Variants in GNG4 observed in about 807,000 individuals in gnomAD.
The protein encoded by GNG4 is guanine nucleotide-binding protein G(I)/G(S)/G(O) subunit gamma-4.
A neutral mutation model predicts 5.8 loss-of-function variants in GNG4; 4 were observed. That is an observed-to-expected ratio of 0.69 (90% CI 0.34 to 1.57). The LOEUF (loss-of-function observed/expected upper bound fraction) is 1.57, where lower values mean the gene tolerates loss of function less well. GNG4 is among the 40% of genes most tolerant of loss of function. The probability of loss-of-function intolerance (pLI) is 0.06; values close to 1 mark genes in which losing one functional copy is unlikely to be tolerated. For synonymous variants in GNG4, 29 were observed against 32.9 expected, an observed-to-expected ratio of 0.88 and a Z score of 0.41; for missense variants, 96 against 95.1, an observed-to-expected ratio of 1.01 and a Z score of -0.04.
intron 2 of GNG4, among the ~76,000 whole-genome samples, chr1:235,587,238 A>AGGGTGTTG (rs58765941): frequency 8.6e-6 from 1 of 115,660 alleles, no homozygotes; most frequent in Non-Finnish European, 1.7e-5. Flanking sequence ...TGAGTGTGTG[A>AGGGTGTTG]GGTGGGGTGT....
At chr1:235,607,986 G>A (rs967947452) in intron 1 of GNG4, among the ~76,000 whole-genome samples, 2 of 149,370 alleles carry the variant, frequency 1.3e-5, no homozygotes, top group Admixed American at 1.3e-4. Context: ...CACCCAGGCT[G>A]GAGTGCGGTG....
rs1320467707 is a variant in GNG4 at position 235,649,565 on chromosome 1, C to T, written c.-123+97G>A. 6.6e-6 allele frequency: 1 copy of T among 152,246 alleles called. No individual in the cohort carries two copies. The highest frequency in any genetic ancestry group is 1.5e-5 in the Non-Finnish European group (1 of 68,098). 9.4% of individuals were successfully genotyped at this position (152,246 alleles called of 1,614,324 possible). ...CGGCGCCAGAGCCGTCTCCCTAGGT[C>T]CGGAGACTTTCACCCCGAGTTTCCC... On this transcript the variant is annotated intron_variant, in intron 1 of 3. Coordinates refer to ENST00000391854, the MANE Select transcript of GNG4 (RefSeq NM_001098722.2). This position sits in a 1 kb window ranked among gnomAD's most constrained non-coding sequence, Gnocchi z 5.7.
intron 3 of GNG4, among the ~76,000 whole-genome samples, chr1:235,561,350 T>C (rs953151246): frequency 3.9e-5 from 6 of 151,990 alleles, no homozygotes; most frequent in African/African-American, 1.2e-4. Context: ...TTTCTCATTG[T>C]TGTGTTTTAA....
At chr1:235,630,651 G>A (rs748538294) in intron 1 of GNG4, among the ~76,000 whole-genome samples, 4 of 152,180 alleles carry the variant, frequency 2.6e-5, no homozygotes, top group South Asian at 2.1e-4. Flanking sequence ...GAAAGTCACC[G>A]TGGGAGTGTG....
chr1:235,620,905 C>T (rs1688698948), intron 1 of GNG4, among the ~76,000 whole-genome samples: 1 of 152,170 alleles, frequency 6.6e-6, no homozygotes, highest in African/African-American at 2.4e-5. Context: ...AGACTTTTCA[C>T]CCCTGGCATT....
At chr1:235,603,815 T>G (rs1688303654) in intron 1 of GNG4, among the ~76,000 whole-genome samples, 1 of 152,214 alleles carries the variant, frequency 6.6e-6, no homozygotes, top group South Asian at 2.1e-4. Flanking sequence ...CGCTGGGGCC[T>G]GCTGGTCACC....
At chr1:235,571,560 C>T (rs1687345245) in intron 3 of GNG4, among the ~76,000 whole-genome samples, 1 of 152,180 alleles carries the variant, frequency 6.6e-6, no homozygotes, top group Non-Finnish European at 1.5e-5. Context: ...TGGGAAAACA[C>T]ACACATTACT....
rs139265199 is a variant in GNG4, at chr1:235,626,564, C to T, written c.-123+23098G>A. The stretch of plus-strand genomic sequence containing the variant: ...TTCTGGTCCTGCTGATGTGGTCAGA[C>T]CTCAGCTGCACTAATGTCCAGCCCC... On this transcript the variant is annotated intron_variant, in intron 1 of 3. Coordinates refer to ENST00000391854, the MANE Select transcript of GNG4 (RefSeq NM_001098722.2). Among the ~76,000 whole-genome samples the T allele has an allele frequency of 2.6e-5, 4 of 152,276 alleles. No individual in the cohort carries two copies. In the East Asian group the frequency reaches 7.7e-4, roughly 29 times the overall value.
chr1:235,569,415 G>A (rs2102926045), intron 3 of GNG4, among the ~76,000 whole-genome samples: 1 of 148,600 alleles, frequency 6.7e-6, no homozygotes, highest in East Asian at 2.0e-4. Context: ...CCAAGATCAC[G>A]ACACTGCACT....
chr1:235,625,989 G>A (rs1024762133), intron 1 of GNG4, among the ~76,000 whole-genome samples: 1 of 152,184 alleles, frequency 6.6e-6, no homozygotes. Flanking sequence ...AGGAGGTGTC[G>A]TTTTGTAAGG....
At chr1:235,634,578 T>C (rs1445529319) in intron 1 of GNG4, among the ~76,000 whole-genome samples, 1 of 152,228 alleles carries the variant, frequency 6.6e-6, no homozygotes, top group Admixed American at 6.5e-5. Context: ...TTATCTGTAT[T>C]TTCTTTCTGC....
intron 1 of GNG4, among the ~76,000 whole-genome samples, chr1:235,607,388 T>C (rs1013054521): frequency 6.6e-6 from 1 of 152,230 alleles, no homozygotes; most frequent in Non-Finnish European, 1.5e-5. Context: ...AGATGAGCTA[T>C]GGTGTCACCA....
Position 235,552,028 on chromosome 1 carries a change from C to A in GNG4, c.*81G>T. The A allele has an allele frequency of 7.7e-7, 1 of 1,304,416 alleles. No individual in the cohort carries two copies. Among genetic ancestry groups the A allele is most frequent in the Non-Finnish European group, 1.1e-6 (1 of 910,960 alleles). The allele number at this position is 1,304,416 out of a possible 1,614,324, so 80.8% of individuals were successfully genotyped here. A position where few individuals can be genotyped will look rare whatever the true frequency, so the allele number is the denominator to read the frequency against. On this transcript the variant is annotated 3_prime_UTR_variant, in exon 4 of 4. Coordinates refer to ENST00000391854, the MANE Select transcript of GNG4 (RefSeq NM_001098722.2). Reference sequence around the variant, plus strand: ...TGGGCAGGGATGGGTGTTGGTCTCACTCCCTAAGGCTTAGAGCATGCATGG... The same window carrying A: ...TGGGCAGGGATGGGTGTTGGTCTCAATCCCTAAGGCTTAGAGCATGCATGG...
chr1:235,611,886 G>A (rs111954921), intron 1 of GNG4, among the ~76,000 whole-genome samples: 64 of 151,850 alleles, frequency 4.2e-4, no homozygotes, highest in Non-Finnish European at 8.1e-4. Context: ...AACATAGTAC[G>A]ACCTCATCTC....
At chr1:235,594,197 G>A (rs1211979949) in intron 2 of GNG4, among the ~76,000 whole-genome samples, 1 of 152,178 alleles carries the variant, frequency 6.6e-6, no homozygotes, top group Non-Finnish European at 1.5e-5. Context: ...GATACAGAGT[G>A]TCGATTGATG....
Position 235,648,560 on chromosome 1 carries a change from C to CGCT in GNG4, c.-123+1101_-123+1102insAGC, listed in dbSNP as rs1176378415. On this transcript the variant is annotated intron_variant, in intron 1 of 3. Transcript: ENST00000391854. The surrounding 1 kb of genome is among the most constrained non-coding windows in gnomAD (Gnocchi z 5.0). Reference sequence around the variant, plus strand: ...GGAGTTGCGGGAGGAATCGAGAAGCCGGCCGCAGAGCCCAGGTCCCCCATG... The same window carrying CGCT: ...GGAGTTGCGGGAGGAATCGAGAAGCCGCTGGCCGCAGAGCCCAGGTCCCCCATG... Among the ~76,000 whole-genome samples, 2 of 152,226 alleles carry CGCT rather than the reference C, an allele frequency of 1.3e-5. No homozygotes were observed. Among genetic ancestry groups the CGCT allele is most frequent in the Non-Finnish European group, 2.9e-5 (2 of 68,042 alleles).
chr1:235,598,688 G>C (rs144182284), intron 1 of GNG4, among the ~76,000 whole-genome samples: 5,858 of 151,644 alleles, frequency 0.039, 115 homozygotes, highest in Middle Eastern at 0.073. Context: ...CACAATCTCT[G>C]GGGGAGGACT....
chr1:235,638,536 G>A (rs1361212855), intron 1 of GNG4, among the ~76,000 whole-genome samples: 2 of 151,232 alleles, frequency 1.3e-5, no homozygotes, highest in East Asian at 1.9e-4. Context: ...TGTGCAGAAC[G>A]TGCAGGTGTG....
Position 235,579,862 on chromosome 1 carries a change from A to AAAAAAAAAAAAAAAAAAAAT in GNG4, c.99+3877_99+3878insATTTTTTTTTTTTTTTTTTT, listed in dbSNP as rs57019025. On this transcript the variant is annotated intron_variant, in intron 3 of 3. Transcript: ENST00000391854. Reference sequence around the variant, plus strand: ...TGAGACTCCATCTCTCAAAAAAAAAAAGGTAAAAAGGTTGAACATAGAGTT... The same window carrying AAAAAAAAAAAAAAAAAAAAT: ...TGAGACTCCATCTCTCAAAAAAAAAAAAAAAAAAAAAAAAAAAAATAGGTAAAAAGGTTGAACATAGAGTT... 7.5e-4 allele frequency among the ~76,000 whole-genome samples: 81 copies of AAAAAAAAAAAAAAAAAAAAT among 108,536 alleles called. 4 individuals carry two copies. Among genetic ancestry groups the AAAAAAAAAAAAAAAAAAAAT allele is most frequent in the African/African-American group, 2.1e-3 (55 of 26,012 alleles). The allele number at this position is 108,536 out of a possible 152,430, so 71.2% of individuals were successfully genotyped here.
Sources: gnomAD v4.1 joint callset for allele counts (sites outside exome capture counted in the v4.1 genomes callset) on GRCh38, gnomAD v4.1.1 for gene constraint, Gnocchi (gnomAD v3.1) non-coding constraint, MANE v1.5 for transcripts, NCBI Gene and HGNC (gene_info 2026-07-23, HGNC 2026-07-21) for gene names.